VAV2: variants seen among roughly 807,000 people sequenced by gnomAD.
VAV2 encodes the protein vav guanine nucleotide exchange factor 2, also known as guanine nucleotide exchange factor VAV2.
In VAV2, 67 loss-of-function variants were observed where a neutral mutation model predicts 132.5. The observed-to-expected ratio is 0.51, with a 90% CI of 0.42 to 0.62. The LOEUF is 0.62. Among genes scored for constraint, VAV2 ranks in the 20% least tolerant of loss-of-function variants. VAV2 has a pLI of 0.00. For missense variants in VAV2, 938 were observed against 1,153.6 expected (o/e 0.81, Z 2.71); for synonymous variants, 492 against 443.5 (o/e 1.11, Z -1.37).
At chr9:133,960,998 G>A (rs1183186569) in intron 1 of VAV2, among the ~76,000 whole-genome samples, 1 of 152,218 alleles carries the variant, frequency 6.6e-6, no homozygotes, top group Non-Finnish European at 1.5e-5. Context: ...GTGACCACAG[G>A]TCTGCCGCCT....
At chr9:133,956,591 G>C (rs996139885) in intron 1 of VAV2, among the ~76,000 whole-genome samples, 2 of 152,330 alleles carry the variant, frequency 1.3e-5, no homozygotes, top group Admixed American at 1.3e-4. Flanking sequence ...CACGCAGCCA[G>C]TTAGTTCCTG....
rs1451261094 is a variant in VAV2, at chr9:133,787,271, T to C, written c.1408-11A>G. ...CATTTTCCCGTGAGACTAGGAAGCATGGAGAGGAGAGGAAGGGGAAGACGG... is the reference window on the plus strand; with the variant it reads ...CATTTTCCCGTGAGACTAGGAAGCACGGAGAGGAGAGGAAGGGGAAGACGG... On this transcript the variant is annotated splice_polypyrimidine_tract_variant and intron_variant, in intron 15 of 29. Coordinates refer to ENST00000371850, the MANE Select transcript of VAV2 (RefSeq NM_001134398.2). 2.5e-6 allele frequency: 4 copies of C among 1,581,282 alleles called. No homozygotes were observed. The Admixed American group carries it at 5.2e-5, about 21-fold the overall frequency.
intron 2 of VAV2, among the ~76,000 whole-genome samples, chr9:133,888,679 A>G (rs950794862): frequency 2.0e-5 from 3 of 152,156 alleles, no homozygotes; most frequent in Non-Finnish European, 4.4e-5. Context: ...CGTCCCCCAA[A>G]CAGGGTCAGA....
chr9:133,808,965 C>T, intron 7 of VAV2, 75 bp downstream of exon 7: 1 of 1,401,816 alleles, frequency 7.1e-7, no homozygotes, highest in South Asian at 1.3e-5. Context: ...CCGGAATGCA[C>T]TCCCAGGAGA....
Position 133,777,473 on chromosome 9 carries a change from G to C in VAV2, c.1891-10C>G. 3 of 1,613,416 alleles carry C rather than the reference G, an allele frequency of 1.9e-6. No individual in the cohort carries two copies. Among genetic ancestry groups the C allele is most frequent in the Non-Finnish European group, 2.5e-6 (3 of 1,179,898 alleles). The stretch of plus-strand genomic sequence containing the variant: ...TTTGTACCAGACGACCCTGGCAGAG[G>C]AAAGAGATGGTTAGGACAAGGGGGC... On this transcript the variant is annotated splice_polypyrimidine_tract_variant and intron_variant, in intron 22 of 29. Coordinates refer to ENST00000371850, the MANE Select transcript of VAV2 (RefSeq NM_001134398.2).
Position 133,918,767 on chromosome 9 carries a change from GTGTTTGTTTGTT to G in VAV2, c.321+20324_321+20335del, listed in dbSNP as rs555729648. 6.6e-6 allele frequency among the ~76,000 whole-genome samples: 1 copy of G among 151,800 alleles called. No individual in the cohort carries two copies. The highest frequency in any genetic ancestry group is 1.5e-5 in the Non-Finnish European group (1 of 67,956). ...AGAAGCAGCCGCCATGTGTGTGTGTGTGTTTGTTTGTTTGTTTGTTTGTTTTGAGACAGAGTC... is the reference window on the plus strand; with the variant it reads ...AGAAGCAGCCGCCATGTGTGTGTGTGTGTTTGTTTGTTTTGAGACAGAGTC... On this transcript the variant is annotated intron_variant, in intron 2 of 29. Coordinates refer to ENST00000371850, the MANE Select transcript of VAV2 (RefSeq NM_001134398.2). The surrounding 1 kb of genome is among the most constrained non-coding windows in gnomAD (Gnocchi z 4.7).
chr9:133,793,668 G>A (rs1834591313), intron 12 of VAV2, among the ~76,000 whole-genome samples: 1 of 152,194 alleles, frequency 6.6e-6, no homozygotes, highest in African/African-American at 2.4e-5. Flanking sequence ...TTGCCCGAAT[G>A]AATGAGCAGG....
chr9:133,865,390 T>C (rs906954999), intron 2 of VAV2, among the ~76,000 whole-genome samples: 4 of 152,214 alleles, frequency 2.6e-5, no homozygotes, highest in Admixed American at 6.5e-5. Context: ...CACTTCTTTT[T>C]CACACCTCCT....
chr9:133,892,026 C>T (rs1408587146), intron 2 of VAV2, among the ~76,000 whole-genome samples: 3 of 111,816 alleles, frequency 2.7e-5, no homozygotes, highest in East Asian at 3.2e-4. Flanking sequence ...GGACAAAGGA[C>T]GGGGTGCCAG....
chr9:133,954,566 G>T (rs755808565), intron 1 of VAV2, among the ~76,000 whole-genome samples: 1 of 152,262 alleles, frequency 6.6e-6, no homozygotes, highest in African/African-American at 2.4e-5. Context: ...GGGAGGCTGG[G>T]GGGAGCGGGA....
Position 133,879,078 on chromosome 9 carries a change from CAT to C in VAV2, c.322-17648_322-17647del, listed in dbSNP as rs1050174787. Among the ~76,000 whole-genome samples, 15 of 152,212 alleles carry C rather than the reference CAT, an allele frequency of 9.9e-5. No individual in the cohort carries two copies. The highest frequency in any genetic ancestry group is 3.6e-4 in the African/African-American group (15 of 41,468). Reference sequence around the variant, plus strand: ...CGCCCCCATCCCAGGCATCCTGTGACATAGTCTTCCAGAGGGGACCGGGCCGG... The same window carrying C: ...CGCCCCCATCCCAGGCATCCTGTGACAGTCTTCCAGAGGGGACCGGGCCGG... On this transcript the variant is annotated intron_variant, in intron 2 of 29. Coordinates refer to ENST00000371850, the MANE Select transcript of VAV2 (RefSeq NM_001134398.2). This position sits in a 1 kb window ranked among gnomAD's most constrained non-coding sequence, Gnocchi z 4.4.
Position 133,884,690 on chromosome 9 carries a change from T to G in VAV2, c.322-23258A>C, listed in dbSNP as rs1838632731. Among the ~76,000 whole-genome samples the G allele has an allele frequency of 6.6e-6, 1 of 152,284 alleles. No individual in the cohort carries two copies. Among genetic ancestry groups the G allele is most frequent in the South Asian group, 2.1e-4 (1 of 4,824 alleles). Reference sequence around the variant, plus strand: ...AAAAAGAAAAACAAAAAAAAACACCTCTGGCTTTAAAAATGTTTTAACTCC... The same window carrying G: ...AAAAAGAAAAACAAAAAAAAACACCGCTGGCTTTAAAAATGTTTTAACTCC... On this transcript the variant is annotated intron_variant, in intron 2 of 29. Coordinates refer to ENST00000371850, the MANE Select transcript of VAV2 (RefSeq NM_001134398.2). This position sits in a 1 kb window ranked among gnomAD's most constrained non-coding sequence, Gnocchi z 5.3.
At chr9:133,838,867 GTGGATGGATAGATGGGTGGGTGGGTGGA>G (rs1836593856) in intron 3 of VAV2, among the ~76,000 whole-genome samples, 1 of 110,574 alleles carries the variant, frequency 9.0e-6, no homozygotes, top group Non-Finnish European at 1.9e-5. Context: ...GGGTGGGTGG[GTGGATGGATAGATGGGTGGGTGGGTGGA>G]TGGATGAATG....
At chr9:133,967,314 T>C (rs770707309) in intron 1 of VAV2, among the ~76,000 whole-genome samples, 1 of 152,134 alleles carries the variant, frequency 6.6e-6, no homozygotes, top group Non-Finnish European at 1.5e-5. Flanking sequence ...GGTCAGAACG[T>C]AGACTAATAC....
intron 2 of VAV2, among the ~76,000 whole-genome samples, chr9:133,910,759 G>A (rs1406922981): frequency 6.7e-6 from 1 of 148,984 alleles, no homozygotes; most frequent in African/African-American, 2.5e-5. Flanking sequence ...GGGAGGTGGA[G>A]CTTGCAGTGA....
intron 8 of VAV2, among the ~76,000 whole-genome samples, chr9:133,807,045 G>A (rs1017439779): frequency 6.6e-6 from 1 of 152,220 alleles, no homozygotes; most frequent in African/African-American, 2.4e-5. Flanking sequence ...GCCCTCACCC[G>A]CAGACAAGCG....
At position 133,794,294 on chromosome 9, in the gene VAV2, C is replaced by T. The variant is rs993203408; in HGVS notation, c.1101+1374G>A. Among the ~76,000 whole-genome samples the T allele has an allele frequency of 6.6e-6, 1 of 152,072 alleles. No homozygotes were observed. Among genetic ancestry groups the T allele is most frequent in the Non-Finnish European group, 1.5e-5 (1 of 68,000 alleles). The stretch of plus-strand genomic sequence containing the variant: ...TGACACCGAGAAAGTTCTGTCAGCC[C>T]GTCATGGCAGGAGGCTTTCCTGGAG... On this transcript the variant is annotated intron_variant, in intron 12 of 29. Coordinates refer to ENST00000371850, the MANE Select transcript of VAV2 (RefSeq NM_001134398.2). This position sits in a 1 kb window ranked among gnomAD's most constrained non-coding sequence, Gnocchi z 4.6.
intron 1 of VAV2, among the ~76,000 whole-genome samples, chr9:133,954,278 G>T (rs759841385): frequency 1.3e-5 from 2 of 152,158 alleles, no homozygotes; most frequent in Non-Finnish European, 2.9e-5. Context: ...CTGTCCATCC[G>T]CCCACCAGCA....
chr9:133,785,530 G>A (rs756793443), intron 17 of VAV2, among the ~76,000 whole-genome samples: 25 of 152,166 alleles, frequency 1.6e-4, no homozygotes, highest in Non-Finnish European at 2.2e-4. Flanking sequence ...GCAGGACAGC[G>A]GAGCCTGCCT....
Sources: gnomAD v4.1 joint callset for allele counts (sites outside exome capture counted in the v4.1 genomes callset) on GRCh38, gnomAD v4.1.1 for gene constraint, Gnocchi (gnomAD v3.1) non-coding constraint, MANE v1.5 for transcripts, NCBI Gene and HGNC (gene_info 2026-07-23, HGNC 2026-07-21) for gene names.